EXOC2: variants seen among roughly 807,000 people sequenced by gnomAD.
EXOC2 encodes SEC5-like 1.
EXOC2 carries 70 observed loss-of-function variants against 131.8 expected under a neutral mutation model. The ratio of observed to expected loss-of-function variants is 0.53; its 90% CI spans 0.44 to 0.65. The LOEUF (loss-of-function observed/expected upper bound fraction) is 0.65. EXOC2 is among the 30% of genes least tolerant of loss of function. The pLI, the probability that EXOC2 is intolerant of heterozygous loss-of-function variation, is 0.00. For missense variants in EXOC2, 923 were observed against 1,108.6 expected, an observed-to-expected ratio of 0.83 and a Z score of 2.38; for synonymous variants, 411 against 398.4, an observed-to-expected ratio of 1.03 and a Z score of -0.38.
intron 13 of EXOC2, among the ~76,000 whole-genome samples, chr6:567,375 CAG>C (rs1213441209): frequency 6.6e-6 from 1 of 152,226 alleles, no homozygotes; most frequent in Non-Finnish European, 1.5e-5. Context: ...ATATCACCTC[CAG>C]AGAGCGGCCT....
rs867500778 is a variant in EXOC2 at position 660,125 on chromosome 6, C to G, written c.-43-22264G>C. 3.3e-4 allele frequency among the ~76,000 whole-genome samples: 50 copies of G among 151,970 alleles called. 1 individual carries two copies. In the Middle Eastern group the frequency reaches 0.014, roughly 41 times the overall value. On this transcript the variant is annotated intron_variant, in intron 1 of 27. Coordinates refer to ENST00000230449, the MANE Select transcript of EXOC2 (RefSeq NM_018303.6). ...AACCTGCATGACTCAGCAGAGACAG[C>G]CATAATCCCCCTAGGTACAGAACTC... is the stretch of plus-strand genomic sequence containing the variant.
intron 12 of EXOC2, among the ~76,000 whole-genome samples, chr6:576,282 C>T (rs559439570): frequency 5.4e-4 from 82 of 152,206 alleles, no homozygotes; most frequent in African/African-American, 1.9e-3. Flanking sequence ...TTCAGAAATG[C>T]AACATACTTA....
At chr6:647,336 T>C (rs1011673724) in intron 1 of EXOC2, among the ~76,000 whole-genome samples, 1 of 151,774 alleles carries the variant, frequency 6.6e-6, no homozygotes, top group Non-Finnish European at 1.5e-5. Flanking sequence ...AGATGATTAG[T>C]ACAAACATCA....
chr6:522,664 G>T (rs1049537910), intron 23 of EXOC2, among the ~76,000 whole-genome samples: 1 of 151,134 alleles, frequency 6.6e-6, no homozygotes, highest in Non-Finnish European at 1.5e-5. Flanking sequence ...AGGTCCATGC[G>T]GACTGCAGGA....
intron 23 of EXOC2, among the ~76,000 whole-genome samples, chr6:505,836 G>A (rs1360034900): frequency 2.0e-5 from 3 of 152,200 alleles, no homozygotes; most frequent in African/African-American, 4.8e-5. Context: ...AAAAATATCC[G>A]TGAATGACAA....
intron 25 of EXOC2, among the ~76,000 whole-genome samples, chr6:493,874 T>G (rs1234890059): frequency 1.3e-5 from 2 of 152,224 alleles, no homozygotes; most frequent in Non-Finnish European, 2.9e-5. Context: ...TGAAAAAATT[T>G]TCCAGCTAAT....
chr6:488,954 C>G (rs1159950697), intron 27 of EXOC2, 25 bp downstream of exon 27: 6 of 1,609,932 alleles, frequency 3.7e-6, no homozygotes, highest in Non-Finnish European at 4.2e-6. Flanking sequence ...TCAACTGGCT[C>G]CTAAGAACAG....
At chr6:574,391 C>A (rs991500817) in intron 12 of EXOC2, among the ~76,000 whole-genome samples, 1 of 152,146 alleles carries the variant, frequency 6.6e-6, no homozygotes. Flanking sequence ...ATAGAAAACC[C>A]AAAACAAAAC....
chr6:547,485 T>C (rs1294449298), intron 22 of EXOC2, among the ~76,000 whole-genome samples: 2 of 152,230 alleles, frequency 1.3e-5, no homozygotes, highest in Non-Finnish European at 1.5e-5. Flanking sequence ...CACTGTGACC[T>C]GTGCCCTGTG....
chr6:571,772 G>A (rs1299332137), intron 13 of EXOC2, among the ~76,000 whole-genome samples: 2 of 151,490 alleles, frequency 1.3e-5, no homozygotes, highest in African/African-American at 2.4e-5. Context: ...GCAGAGACAC[G>A]AAACACCTGT....
chr6:562,258 G>A lies in EXOC2; in HGVS notation c.1851+526C>T, dbSNP rs115392617. Reference sequence around the variant, plus strand: ...CTGGCACAGCCACCCACAGGACCGCGAGGGGCACCCGTGAGACAAGTGTGA... The same window carrying A: ...CTGGCACAGCCACCCACAGGACCGCAAGGGGCACCCGTGAGACAAGTGTGA... On this transcript the variant is annotated intron_variant, in intron 17 of 27. Coordinates refer to ENST00000230449, the MANE Select transcript of EXOC2 (RefSeq NM_018303.6). Among the ~76,000 whole-genome samples, 1,144 of 152,366 alleles carry A rather than the reference G, an allele frequency of 7.5e-3. 14 individuals carry two copies. The highest frequency in any genetic ancestry group is 0.026 in the African/African-American group (1,083 of 41,594).
At chr6:642,398 C>T (rs575050603) in intron 1 of EXOC2, among the ~76,000 whole-genome samples, 8 of 152,216 alleles carry the variant, frequency 5.3e-5, no homozygotes, top group South Asian at 2.1e-4. Context: ...AGCTGGTGTC[C>T]GCTGGAGAGC....
At chr6:552,527 T>C (rs1430662647) in intron 21 of EXOC2, among the ~76,000 whole-genome samples, 1 of 152,222 alleles carries the variant, frequency 6.6e-6, no homozygotes, top group African/African-American at 2.4e-5. Context: ...TATATACTGC[T>C]GATTCACAAA....
chr6:501,658 T>G (rs1336373289), intron 23 of EXOC2, among the ~76,000 whole-genome samples: 2 of 111,852 alleles, frequency 1.8e-5, no homozygotes, highest in Non-Finnish European at 3.5e-5. Flanking sequence ...TAGATAGATA[T>G]ATCTATCTAT....
At chr6:671,483 G>A (rs534028481) in intron 1 of EXOC2, among the ~76,000 whole-genome samples, 1 of 152,284 alleles carries the variant, frequency 6.6e-6, no homozygotes, top group African/African-American at 2.4e-5. Context: ...AGGACCTGAG[G>A]GGAGGGAACC....
At chr6:632,881 G>T (rs1236103917) in intron 3 of EXOC2, 60 bp downstream of exon 3, 5 of 1,519,290 alleles carry the variant, frequency 3.3e-6, no homozygotes, top group Non-Finnish European at 3.6e-6. Context: ...CAGCTTTACA[G>T]CTTAAAAGAC....
chr6:499,438 C>CACACACAA (rs1763916407), intron 24 of EXOC2, among the ~76,000 whole-genome samples: 1 of 134,714 alleles, frequency 7.4e-6, no homozygotes, highest in South Asian at 2.2e-4. Context: ...TAAACACACA[C>CACACACAA]ACACACACAC....
At chr6:532,416 T>A in intron 23 of EXOC2, 53 bp downstream of exon 23, 1 of 1,402,488 alleles carries the variant, frequency 7.1e-7, no homozygotes, top group Non-Finnish European at 9.4e-7. Context: ...CAAGCAAGTA[T>A]CAATTGATAA....
intron 9 of EXOC2, among the ~76,000 whole-genome samples, chr6:598,613 C>T (rs1196680377): frequency 2.0e-5 from 3 of 152,170 alleles, no homozygotes; most frequent in Admixed American, 6.5e-5. Context: ...GACTTTCTAA[C>T]AGCGTGATGG....
Sources: allele counts gnomAD v4.1 joint callset (sites outside exome capture counted in the v4.1 genomes callset), GRCh38; gene constraint gnomAD v4.1.1; transcripts MANE v1.5; gene names NCBI Gene and HGNC (gene_info 2026-07-23, HGNC 2026-07-21).